The following PPFIA2 variants were observed in gnomAD, a reference collection of about 807,000 sequenced individuals.
PPFIA2 encodes the protein PPFI scaffold protein A2.
Under a neutral mutation model 175.5 loss-of-function variants are expected in PPFIA2, and 46 were observed. The ratio of observed to expected loss-of-function variants is 0.26; its 90% CI spans 0.21 to 0.34. The LOEUF (loss-of-function observed/expected upper bound fraction) is 0.34. Ranked by LOEUF, PPFIA2 falls within the 10% of genes least tolerant of loss-of-function variation. The probability of loss-of-function intolerance (pLI) is 1.00; values close to 1 mark genes in which losing one functional copy is unlikely to be tolerated. For missense variants in PPFIA2, 1,179 were observed against 1,506.1 expected, an observed-to-expected ratio of 0.78 and a Z score of 3.60; for synonymous variants, 568 against 511.4, an observed-to-expected ratio of 1.11 and a Z score of -1.49.
Position 81,530,884 on chromosome 12 carries a change from T to C in PPFIA2, c.304-73018A>G, listed in dbSNP as rs1220302474. Among the ~76,000 whole-genome samples, 8 of 151,958 alleles carry C rather than the reference T, an allele frequency of 5.3e-5. No homozygotes were observed. In the East Asian group the frequency reaches 1.3e-3, roughly 26 times the overall value. On this transcript the variant is annotated intron_variant, in intron 4 of 32. Transcript: ENST00000549396. Reference sequence around the variant, plus strand: ...AGAAGTCAGGCTCGTGATTGAAATTTAAAATGATTTAGAATTGTGACTTTA... The same window carrying C: ...AGAAGTCAGGCTCGTGATTGAAATTCAAAATGATTTAGAATTGTGACTTTA...
intron 4 of PPFIA2, among the ~76,000 whole-genome samples, chr12:81,547,172 C>T (rs2067133239): frequency 6.6e-6 from 1 of 152,146 alleles, no homozygotes; most frequent in Non-Finnish European, 1.5e-5. Flanking sequence ...TTTAAATTAA[C>T]TAGAAACCAA....
intron 4 of PPFIA2, among the ~76,000 whole-genome samples, chr12:81,471,865 A>T (rs530684190): frequency 6.6e-6 from 1 of 152,178 alleles, no homozygotes. Flanking sequence ...TAGGTGACAT[A>T]AGGAAATTTT....
Position 81,259,620 on chromosome 12 carries a change from T to C in PPFIA2, c.*74A>G, listed in dbSNP as rs777550729. 4.6e-6 allele frequency: 7 copies of C among 1,531,584 alleles called. No individual in the cohort carries two copies. Among genetic ancestry groups the C allele is most frequent in the Non-Finnish European group, 6.1e-6 (7 of 1,142,950 alleles). The allele number at this position is 1,531,584 out of a possible 1,614,324, so 94.9% of individuals were successfully genotyped here. On this transcript the variant is annotated 3_prime_UTR_variant, in exon 33 of 33. Transcript: ENST00000549396. ...GGTTTTCACTGCTCGTCTTCTTAGATGGTAGTGCACTTTAGGTAGAGTAGA... is the reference window on the plus strand; with the variant it reads ...GGTTTTCACTGCTCGTCTTCTTAGACGGTAGTGCACTTTAGGTAGAGTAGA...
At chr12:81,351,214 C>T (rs2059944070) in intron 17 of PPFIA2, among the ~76,000 whole-genome samples, 1 of 151,922 alleles carries the variant, frequency 6.6e-6, no homozygotes, top group Non-Finnish European at 1.5e-5. Context: ...TTTTTCATAA[C>T]TAGTATGAAA....
Position 81,302,221 on chromosome 12 carries a change from C to T in PPFIA2, c.2643-2839G>A, listed in dbSNP as rs1272978900. 2.2e-5 allele frequency: 9 copies of T among 404,460 alleles called. No individual in the cohort carries two copies. In the East Asian group the frequency reaches 6.3e-4, roughly 28 times the overall value. The allele number at this position is 404,460 out of a possible 1,614,324, so 25.1% of individuals were successfully genotyped here. On this transcript the variant is annotated intron_variant, in intron 22 of 32. Coordinates refer to ENST00000549396, the MANE Select transcript of PPFIA2 (RefSeq NM_003625.5). ...GTACAACATTTTGTATTTTAAAGAA[C>T]AAATTTTTTTCTTGCATCTTACCTC... is the stretch of plus-strand genomic sequence containing the variant.
intron 7 of PPFIA2, among the ~76,000 whole-genome samples, chr12:81,438,478 AAAAAC>A (rs971469476): frequency 3.7e-4 from 56 of 152,296 alleles, no homozygotes; most frequent in East Asian, 3.9e-4. Context: ...TCTCAAAACA[AAAAAC>A]AAAACAAAAC....
intron 9 of PPFIA2, among the ~76,000 whole-genome samples, chr12:81,382,015 G>C (rs1320648884): frequency 6.6e-6 from 1 of 152,074 alleles, no homozygotes; most frequent in African/African-American, 2.4e-5. Context: ...CGAATAGTTG[G>C]GGTGGGAGGC....
At chr12:81,673,006 G>A (rs1356408581) in intron 4 of PPFIA2, among the ~76,000 whole-genome samples, 1 of 151,954 alleles carries the variant, frequency 6.6e-6, no homozygotes, top group African/African-American at 2.4e-5. Context: ...ACCTTTCATT[G>A]TGTATATACA....
At chr12:81,431,635 T>TG (rs1460843181) in intron 7 of PPFIA2, among the ~76,000 whole-genome samples, 1 of 152,228 alleles carries the variant, frequency 6.6e-6, no homozygotes, top group African/African-American at 2.4e-5. Context: ...GTCTACTCAA[T>TG]GCTGTATTTT....
Position 81,635,275 on chromosome 12 carries a change from T to G in PPFIA2, c.303+41516A>C, listed in dbSNP as rs184314632. Among the ~76,000 whole-genome samples the G allele has an allele frequency of 3.1e-3, 475 of 152,308 alleles. 1 individual carries two copies. Among genetic ancestry groups the G allele is most frequent in the Non-Finnish European group, 5.3e-3 (362 of 68,020 alleles). On this transcript the variant is annotated intron_variant, in intron 4 of 32. Coordinates refer to ENST00000549396, the MANE Select transcript of PPFIA2 (RefSeq NM_003625.5). ...ATTTTAGGCAGTATAATTATTAAAT[T>G]TGTTGCTTTGACTTCAAAAATAAAT...
At position 81,480,764 on chromosome 12, in the gene PPFIA2, C is replaced by T. The variant is rs547538811; in HGVS notation, c.304-22898G>A. ...AGGCTGCAGACAGCAAAGATTGCTG[C>T]CTGTTCCTTCATCTGGAAGCTTCCT... is the stretch of plus-strand genomic sequence containing the variant. On this transcript the variant is annotated intron_variant, in intron 4 of 32. Transcript: ENST00000549396. 2.0e-5 allele frequency among the ~76,000 whole-genome samples: 3 copies of T among 152,230 alleles called. No individual in the cohort carries two copies. The South Asian group carries it at 6.2e-4, about 32-fold the overall frequency.
intron 7 of PPFIA2, among the ~76,000 whole-genome samples, chr12:81,429,572 G>A (rs1445569733): frequency 6.6e-6 from 1 of 151,902 alleles, no homozygotes; most frequent in Non-Finnish European, 1.5e-5. Flanking sequence ...AGCTATTTAA[G>A]TTTCTTTTAA....
At chr12:81,352,756 G>A (rs1025608900) in intron 17 of PPFIA2, among the ~76,000 whole-genome samples, 2 of 152,036 alleles carry the variant, frequency 1.3e-5, no homozygotes, top group Admixed American at 6.6e-5. Context: ...AAGAATGTAC[G>A]TGATTACCAC....
intron 4 of PPFIA2, among the ~76,000 whole-genome samples, chr12:81,559,959 CAT>C (rs2153388374): frequency 6.6e-6 from 1 of 152,116 alleles, no homozygotes; most frequent in East Asian, 1.9e-4. Flanking sequence ...TGGGCTGACA[CAT>C]GTGGCCTCCT....
At chr12:81,530,565 C>A (rs182084848) in intron 4 of PPFIA2, among the ~76,000 whole-genome samples, 2 of 151,716 alleles carry the variant, frequency 1.3e-5, no homozygotes, top group Non-Finnish European at 2.9e-5. Context: ...TAAAAGAGGG[C>A]GAAGTGTGGC....
chr12:81,274,142 C>T (rs1370227533), intron 28 of PPFIA2, among the ~76,000 whole-genome samples: 1 of 152,110 alleles, frequency 6.6e-6, no homozygotes, highest in Non-Finnish European at 1.5e-5. Context: ...ACTGGTTACC[C>T]TACACTTGAA....
chr12:81,508,874 T>C (rs1411934839), intron 4 of PPFIA2, among the ~76,000 whole-genome samples: 2 of 151,468 alleles, frequency 1.3e-5, no homozygotes, highest in African/African-American at 4.8e-5. Context: ...GTTTGGTTTT[T>C]TGTTCTTGCG....
chr12:81,375,169 T>C (rs2036076011), intron 10 of PPFIA2, among the ~76,000 whole-genome samples: 1 of 152,130 alleles, frequency 6.6e-6, no homozygotes, highest in Non-Finnish European at 1.5e-5. Flanking sequence ...TTGACAAACA[T>C]TTTCTGTAAC....
At chr12:81,499,680 A>T (rs2060393563) in intron 4 of PPFIA2, among the ~76,000 whole-genome samples, 2 of 152,236 alleles carry the variant, frequency 1.3e-5, no homozygotes, top group African/African-American at 2.4e-5. Context: ...GAATTTAAAA[A>T]ATTCTTCAAG....
Sources: allele counts gnomAD v4.1 joint callset (sites outside exome capture counted in the v4.1 genomes callset), GRCh38; gene constraint gnomAD v4.1.1; transcripts MANE v1.5; gene names NCBI Gene and HGNC (gene_info 2026-07-23, HGNC 2026-07-21).